Variants in ADAM12 observed in about 807,000 individuals in gnomAD.
ADAM12 encodes ADAM metallopeptidase domain 12, also known as disintegrin and metalloproteinase domain-containing protein 12.
A neutral mutation model predicts 106.4 loss-of-function variants in ADAM12; 70 were observed. The ratio of observed to expected loss-of-function variants is 0.66; its 90% CI spans 0.54 to 0.80. The LOEUF is 0.80. Among genes scored for constraint, ADAM12 ranks in the 30% least tolerant of loss-of-function variants. ADAM12 has a pLI of 0.00. For missense variants in ADAM12, 1,010 were observed against 1,171.9 expected (o/e 0.86, Z 2.02); for synonymous variants, 420 against 433.5 (o/e 0.97, Z 0.39).
Position 126,031,789 on chromosome 10 carries a change from CACTGA to C in ADAM12, c.2529+4352_2529+4356del, listed in dbSNP as rs1953975423. On this transcript the variant is annotated intron_variant, in intron 21 of 22. Transcript: ENST00000448723. ...GAGAAATGTTGTGTTTTGACAGCATCACTGAACTGAAGATCTCCACCTCTGCAGAA... is the reference window on the plus strand; with the variant it reads ...GAGAAATGTTGTGTTTTGACAGCATCACTGAAGATCTCCACCTCTGCAGAA... Among the ~76,000 whole-genome samples the C allele has an allele frequency of 1.3e-5, 2 of 152,268 alleles. 1 individual carries two copies. The highest frequency in any genetic ancestry group is 4.1e-4 in the South Asian group (2 of 4,828).
intron 21 of ADAM12, among the ~76,000 whole-genome samples, chr10:126,023,409 A>G (rs1452504921): frequency 6.6e-6 from 1 of 152,076 alleles, no homozygotes; most frequent in Non-Finnish European, 1.5e-5. Context: ...TTGGAGAGGG[A>G]GTAGTAACTG....
Position 126,101,125 on chromosome 10 carries a change from C to T in ADAM12, c.858G>A (p.Trp286Ter), listed in dbSNP as rs1565057595. The T allele has an allele frequency of 6.2e-7, 1 of 1,614,004 alleles. No homozygotes were observed. The highest frequency in any genetic ancestry group is 2.2e-5 in the East Asian group (1 of 44,864). ...TGCGAGGTAGAAGCTTCATCTTCCT[C>T]CAGTCCAGAAATTCATGGAGGCTGG... ...PFTSLHEFLD[W>*]RKMKLLPRKS... is the part of the protein sequence containing the mutation. Residue 286 changes from tryptophan (W) to a stop codon, truncating the protein, a stop_gained, in exon 9 of 23, where the codon TGG becomes TGA. Coordinates refer to ENST00000448723, the MANE Select transcript of ADAM12 (RefSeq NM_001288973.2). LOFTEE classifies it high-confidence loss of function.
At chr10:126,327,862 T>C (rs1261200693) in intron 2 of ADAM12, among the ~76,000 whole-genome samples, 1 of 152,176 alleles carries the variant, frequency 6.6e-6, no homozygotes, top group East Asian at 1.9e-4. Context: ...ACTTCCACAG[T>C]GAGTTCACAC....
chr10:126,290,408 T>G (rs114111065), intron 2 of ADAM12, among the ~76,000 whole-genome samples: 1 of 152,342 alleles, frequency 6.6e-6, no homozygotes, highest in African/African-American at 2.4e-5. Flanking sequence ...ATGGGTGTCA[T>G]TTTAAGCCAC....
At chr10:126,119,487 C>T (rs1255491005) in intron 5 of ADAM12, among the ~76,000 whole-genome samples, 1 of 152,190 alleles carries the variant, frequency 6.6e-6, no homozygotes, top group Non-Finnish European at 1.5e-5. Context: ...GAAAGACTGA[C>T]AACTTCAGGA....
chr10:126,059,360 C>A (rs1188910237), intron 14 of ADAM12, among the ~76,000 whole-genome samples: 2 of 152,212 alleles, frequency 1.3e-5, no homozygotes, highest in African/African-American at 4.8e-5. Context: ...TTTTTACAGA[C>A]AACTGGAGAC....
chr10:126,168,478 G>A (rs1674932), intron 3 of ADAM12, among the ~76,000 whole-genome samples: 14,881 of 151,994 alleles, frequency 0.098, 2,094 homozygotes, highest in African/African-American at 0.31. Flanking sequence ...TAAACATGCC[G>A]AACCCATATT....
chr10:126,133,287 G>A lies in ADAM12; in HGVS notation c.416+2297C>T, dbSNP rs146931052. Among the ~76,000 whole-genome samples, 881 of 152,228 alleles carry A rather than the reference G, an allele frequency of 5.8e-3. 5 individuals carry two copies. The highest frequency in any genetic ancestry group is 9.4e-3 in the Non-Finnish European group (638 of 68,016). ...TGAGCGCCCACTCTGCATGCTGGGC[G>A]TGTACGCGTATTGGAGTCCCTGCCT... On this transcript the variant is annotated intron_variant, in intron 5 of 22. Transcript: ENST00000448723.
intron 9 of ADAM12, among the ~76,000 whole-genome samples, 193 bp from the exon 10 acceptor site, chr10:126,098,693 A>AT (rs759234156): frequency 3.5e-4 from 54 of 152,118 alleles, no homozygotes; most frequent in Non-Finnish European, 6.0e-4. Context: ...TGGTTCTGTC[A>AT]TTTTTTAGAG....
intron 1 of ADAM12, among the ~76,000 whole-genome samples, chr10:126,368,993 C>T (rs1856014716): frequency 6.6e-6 from 1 of 152,086 alleles, no homozygotes; most frequent in African/African-American, 2.4e-5. Context: ...CATTTTCTAC[C>T]CAATATGAAA....
intron 4 of ADAM12, among the ~76,000 whole-genome samples, chr10:126,147,938 G>A (rs1006230943): frequency 6.6e-6 from 1 of 152,178 alleles, no homozygotes; most frequent in African/African-American, 2.4e-5. Context: ...TCCCTCCAAA[G>A]CACTGACAGC....
intron 1 of ADAM12, among the ~76,000 whole-genome samples, chr10:126,387,847 G>A (rs1456706563): frequency 6.6e-6 from 1 of 151,570 alleles, no homozygotes; most frequent in Non-Finnish European, 1.5e-5. Context: ...GCTCCTGTGG[G>A]GCTGCGGGCC....
chr10:126,294,047 T>G (rs1209021804), intron 2 of ADAM12, among the ~76,000 whole-genome samples: 2 of 152,232 alleles, frequency 1.3e-5, no homozygotes, highest in Admixed American at 6.5e-5. Flanking sequence ...AAGCATTGCT[T>G]CTTTGTATAT....
At chr10:126,252,841 G>A (rs1273507637) in intron 3 of ADAM12, among the ~76,000 whole-genome samples, 1 of 152,150 alleles carries the variant, frequency 6.6e-6, no homozygotes, top group Non-Finnish European at 1.5e-5. Context: ...TGAAGTGGTA[G>A]AACAGGGACA....
At chr10:126,224,670 C>T (rs1958158318) in intron 3 of ADAM12, among the ~76,000 whole-genome samples, 1 of 152,232 alleles carries the variant, frequency 6.6e-6, no homozygotes, top group African/African-American at 2.4e-5. Context: ...TCACAACATA[C>T]CAGCTCCAGA....
chr10:126,364,542 C>A (rs968601312), intron 1 of ADAM12, among the ~76,000 whole-genome samples: 2 of 151,900 alleles, frequency 1.3e-5, no homozygotes, highest in Non-Finnish European at 2.9e-5. Flanking sequence ...AAATTGGATC[C>A]CATTTATAAT....
chr10:126,024,490 A>G (rs1428320609), intron 21 of ADAM12, among the ~76,000 whole-genome samples: 3 of 152,216 alleles, frequency 2.0e-5, no homozygotes, highest in Non-Finnish European at 4.4e-5. Context: ...AAAAATATAC[A>G]CTACAAATTG....
chr10:126,188,142 C>T (rs1213903506), intron 3 of ADAM12, among the ~76,000 whole-genome samples: 1 of 152,224 alleles, frequency 6.6e-6, no homozygotes, highest in African/African-American at 2.4e-5. Context: ...TGTCCTCTTC[C>T]TCCCAACTCA....
intron 1 of ADAM12, among the ~76,000 whole-genome samples, chr10:126,351,125 C>G (rs781264709): frequency 2.2e-4 from 33 of 152,212 alleles, no homozygotes; most frequent in Admixed American, 3.3e-4. Context: ...GCAGTGCCCT[C>G]AGCCCGGAGG....
Sources: gnomAD v4.1 joint callset for allele counts (sites outside exome capture counted in the v4.1 genomes callset) on GRCh38, gnomAD v4.1.1 for gene constraint, MANE v1.5 for transcripts, NCBI Gene and HGNC (gene_info 2026-07-23, HGNC 2026-07-21) for gene names.